KANK1: variants seen among roughly 807,000 people sequenced by gnomAD.
The protein encoded by KANK1 is KN motif and ankyrin repeat domain-containing protein 1.
In KANK1, 109 loss-of-function variants were observed where a neutral mutation model predicts 106.2. The ratio of observed to expected loss-of-function variants is 1.03; its 90% CI spans 0.88 to 1.20. KANK1 has a LOEUF of 1.20. KANK1 is among the 50% of genes most tolerant of loss of function. KANK1 has a pLI of 0.00. For missense variants in KANK1, 2,399 were observed against 1,710.7 expected (o/e 1.40, Z -7.10); for synonymous variants, 873 against 652.2 (o/e 1.34, Z -5.16).
intron 1 of KANK1, among the ~76,000 whole-genome samples, chr9:567,019 A>G (rs868513863): frequency 1.3e-5 from 2 of 152,120 alleles, no homozygotes; most frequent in Non-Finnish European, 1.5e-5. Context: ...TGATTTTTGT[A>G]TATGATGTAA....
At chr9:579,531 G>T (rs1203990477) in intron 1 of KANK1, among the ~76,000 whole-genome samples, 1 of 152,274 alleles carries the variant, frequency 6.6e-6, no homozygotes, top group South Asian at 2.1e-4. Flanking sequence ...CACAGATCCA[G>T]CTCCATCTGG....
At chr9:672,233 C>T (rs576341465) in intron 1 of KANK1, among the ~76,000 whole-genome samples, 5 of 152,250 alleles carry the variant, frequency 3.3e-5, no homozygotes, top group South Asian at 2.1e-4. Context: ...GTGCTTGTTT[C>T]TTATGTATAC....
chr9:586,599 T>C (rs1823530177), intron 1 of KANK1, among the ~76,000 whole-genome samples: 1 of 152,258 alleles, frequency 6.6e-6, no homozygotes, highest in East Asian at 1.9e-4. Flanking sequence ...AGAAAAGCCA[T>C]GTGTGTGTTA....
chr9:601,682 C>T (rs1238538902), intron 1 of KANK1, among the ~76,000 whole-genome samples: 3 of 151,724 alleles, frequency 2.0e-5, no homozygotes, highest in Non-Finnish European at 4.4e-5. Context: ...TCATTATTTT[C>T]TTCTTCAAAT....
At chr9:603,155 T>C (rs1384202834) in intron 1 of KANK1, among the ~76,000 whole-genome samples, 1 of 151,862 alleles carries the variant, frequency 6.6e-6, no homozygotes, top group Non-Finnish European at 1.5e-5. Context: ...TTTTCAAGGA[T>C]GTTTTTCCTC....
At chr9:501,117 A>G (rs1231261766), upstream of KANK1, among the ~76,000 whole-genome samples, 1 of 152,214 alleles carries the variant, frequency 6.6e-6, no homozygotes, top group African/African-American at 2.4e-5. Context: ...AGCTTGAGCA[A>G]AATGCTTCAA....
Position 745,756 on chromosome 9 carries a change from G to A in KANK1, c.*521G>A, listed in dbSNP as rs750299151. ...CAGACAAAGTATAAAACTTACAAAA[G>A]AATATTCTCATTTGGTCTTAACTAG... On this transcript the variant is annotated 3_prime_UTR_variant, in exon 12 of 12. Coordinates refer to ENST00000382297, the MANE Select transcript of KANK1 (RefSeq NM_015158.5). The A allele has an allele frequency of 6.6e-6, 1 of 152,610 alleles. No homozygotes were observed. Among genetic ancestry groups the A allele is most frequent in the Non-Finnish European group, 1.5e-5 (1 of 68,092 alleles). 9.5% of individuals were successfully genotyped at this position (152,610 alleles called of 1,614,324 possible).
At chr9:724,357 G>A (rs1252899462) in intron 3 of KANK1, among the ~76,000 whole-genome samples, 4 of 152,114 alleles carry the variant, frequency 2.6e-5, no homozygotes, top group African/African-American at 9.7e-5. Flanking sequence ...GCTAGTAATG[G>A]GAAGACAGGA....
chr9:534,388 G>T (rs533552552), intron 1 of KANK1, among the ~76,000 whole-genome samples: 4 of 152,200 alleles, frequency 2.6e-5, no homozygotes, highest in Admixed American at 2.6e-4. Context: ...GGGAGGCTGT[G>T]GATTTCACTA....
At chr9:604,289 T>C (rs893315331) in intron 1 of KANK1, among the ~76,000 whole-genome samples, 4 of 151,766 alleles carry the variant, frequency 2.6e-5, no homozygotes, top group African/African-American at 9.7e-5. Flanking sequence ...GTGGTTTGGC[T>C]GTGTGTCCCT....
At chr9:517,860 T>G (rs1563703575) in intron 1 of KANK1, among the ~76,000 whole-genome samples, 2 of 150,386 alleles carry the variant, frequency 1.3e-5, no homozygotes, top group South Asian at 4.2e-4. Flanking sequence ...CGCCTCAGCC[T>G]CCCAAGTAGC....
At chr9:529,918 G>C (rs569446194) in intron 1 of KANK1, among the ~76,000 whole-genome samples, 1 of 152,158 alleles carries the variant, frequency 6.6e-6, no homozygotes, top group Admixed American at 6.5e-5. Flanking sequence ...GAAAGCACTT[G>C]TTTCTTTATA....
chr9:702,993 G>A (rs1353024625), intron 2 of KANK1, among the ~76,000 whole-genome samples: 1 of 151,958 alleles, frequency 6.6e-6, no homozygotes, highest in East Asian at 1.9e-4. Context: ...CGGGGTTGTT[G>A]TTTTTTGGGG....
chr9:740,641 C>G, intron 8 of KANK1, 151 bp from the exon 9 acceptor site: 1 of 849,868 alleles, frequency 1.2e-6, no homozygotes, highest in Non-Finnish European at 1.8e-6. Context: ...GAAAACATCT[C>G]TCACATTTCC....
At chr9:743,091 G>A (rs1836121506) in intron 10 of KANK1, among the ~76,000 whole-genome samples, 2 of 152,182 alleles carry the variant, frequency 1.3e-5, no homozygotes, top group Admixed American at 6.5e-5. Context: ...TAGGTAGAAG[G>A]TAGGAACTGG....
chr9:529,234 T>TACACACAC (rs5895851), intron 1 of KANK1, among the ~76,000 whole-genome samples: 4 of 148,704 alleles, frequency 2.7e-5, no homozygotes, highest in East Asian at 2.0e-4. Flanking sequence ...TATATATATA[T>TACACACAC]ACACACACAC....
intron 11 of KANK1, 117 bp from the exon 12 acceptor site, chr9:745,056 T>G: frequency 3.3e-6 from 5 of 1,530,538 alleles, no homozygotes; most frequent in Non-Finnish European, 3.5e-6. Flanking sequence ...AGAGCTCTCC[T>G]GGCTCGGGCT....
chr9:667,680 T>C (rs11506699), intron 1 of KANK1, among the ~76,000 whole-genome samples: 26,746 of 151,676 alleles, frequency 0.18, 3,264 homozygotes, highest in East Asian at 0.33. Flanking sequence ...ATCAACTCAT[T>C]GTTTATTCAG....
rs761736070 is a variant in KANK1 at position 711,033 on chromosome 9, T to A, written c.267T>A (p.Thr89=). ...GTCAGCAAGGTATATGGACTTCCAC[T>A]GAATCCCTCTCATCCTCCAACAGTG... is the stretch of plus-strand genomic sequence containing the variant. ...TSGQQGIWTS[T]ESLSSSNSDD... Residue 89 remains threonine (T), a synonymous_variant, in exon 3 of 12, where the codon ACT becomes ACA. Coordinates refer to ENST00000382297, the MANE Select transcript of KANK1 (RefSeq NM_015158.5). 1.9e-6 allele frequency: 3 copies of A among 1,614,184 alleles called. No homozygotes were observed. Among genetic ancestry groups the A allele is most frequent in the Non-Finnish European group, 2.5e-6 (3 of 1,180,030 alleles).
Sources: allele counts gnomAD v4.1 joint callset (sites outside exome capture counted in the v4.1 genomes callset), GRCh38; gene constraint gnomAD v4.1.1; transcripts MANE v1.5; gene names NCBI Gene and HGNC (gene_info 2026-07-23, HGNC 2026-07-21).